The following PTPRT variants were observed in gnomAD, a reference collection of about 807,000 sequenced individuals.
PTPRT encodes the protein receptor-type tyrosine-protein phosphatase T.
Under a neutral mutation model 176.8 loss-of-function variants are expected in PTPRT, and 56 were observed. The observed-to-expected ratio is 0.32, with a 90% CI of 0.26 to 0.40. The LOEUF is 0.40. Ranked by LOEUF, PTPRT falls within the 10% of genes least tolerant of loss-of-function variation. The probability of loss-of-function intolerance (pLI) is 1.00; values close to 1 mark genes in which losing one functional copy is unlikely to be tolerated. For synonymous variants in PTPRT, 783 were observed against 739.0 expected (o/e 1.06, Z -0.96); for missense variants, 1,540 against 1,908.2 (o/e 0.81, Z 3.60).
chr20:42,074,640 G>A lies in PTPRT; in HGVS notation c.*6239C>T. The A allele has an allele frequency of 2.5e-6, 1 of 396,800 alleles. No homozygotes were observed. Among genetic ancestry groups the A allele is most frequent in the Middle Eastern group, 6.3e-4 (1 of 1,580 alleles). 24.6% of individuals were successfully genotyped at this position (396,800 alleles called of 1,614,324 possible). On this transcript the variant is annotated 3_prime_UTR_variant, in exon 31 of 31. Transcript: ENST00000373187. ...TTGCACTTCCCTTGTATCTGCCCCA[G>A]TGGACCACCCCTGAGCTCTTAGATA...
chr20:42,459,310 G>A (rs2070977454), intron 8 of PTPRT, among the ~76,000 whole-genome samples: 1 of 152,222 alleles, frequency 6.6e-6, no homozygotes, highest in Non-Finnish European at 1.5e-5. Context: ...GTCACCTGGA[G>A]CATGTGAGCT....
Position 42,625,047 on chromosome 20 carries a change from G to A in PTPRT, c.1153+52819C>T, listed in dbSNP as rs144943536. ...TCTCTTTAACAAGACACTGTTAAATGTCTTTCTTTCAAAGCAGGTAAAAAG... is the reference window on the plus strand; with the variant it reads ...TCTCTTTAACAAGACACTGTTAAATATCTTTCTTTCAAAGCAGGTAAAAAG... On this transcript the variant is annotated intron_variant, in intron 7 of 30. Transcript: ENST00000373187. Among the ~76,000 whole-genome samples the A allele has an allele frequency of 2.2e-3, 330 of 152,306 alleles. 2 individuals carry two copies. Among genetic ancestry groups the A allele is most frequent in the African/African-American group, 7.8e-3 (325 of 41,556 alleles).
intron 2 of PTPRT, among the ~76,000 whole-genome samples, chr20:42,815,283 C>T (rs2077763835): frequency 6.6e-6 from 1 of 152,074 alleles, no homozygotes; most frequent in Admixed American, 6.6e-5. Context: ...TATGTTCAAA[C>T]ACAGCACTGG....
chr20:42,062,026 G>A, the PTPRT span, among the ~76,000 whole-genome samples: 1 of 152,190 alleles, frequency 6.6e-6, no homozygotes, highest in Non-Finnish European at 1.5e-5. Flanking sequence ...TCAGGGAGGT[G>A]CCCTGGCCCA....
chr20:42,844,669 C>T (rs575898014), intron 2 of PTPRT, among the ~76,000 whole-genome samples: 1 of 152,316 alleles, frequency 6.6e-6, no homozygotes, highest in Non-Finnish European at 1.5e-5. Context: ...TCTCATGCTT[C>T]CCTTCTGACC....
rs754591592 is a variant in PTPRT at position 42,122,085 on chromosome 20, G to T, written c.2848-2114C>A. On this transcript the variant is annotated intron_variant, in intron 19 of 30. Transcript: ENST00000373187. ...AATAGGTGCAATGTATACTATTCAG[G>T]TGATGGTTACACTAAAAGCCTATAC... 5.3e-5 allele frequency among the ~76,000 whole-genome samples: 8 copies of T among 152,260 alleles called. No homozygotes were observed. The South Asian group carries it at 1.2e-3, about 24-fold the overall frequency.
At chr20:42,865,022 C>A (rs557423485) in intron 2 of PTPRT, among the ~76,000 whole-genome samples, 1 of 152,334 alleles carries the variant, frequency 6.6e-6, no homozygotes, top group South Asian at 2.1e-4. Context: ...CCAGGTGGCT[C>A]TCTGGCCTGC....
chr20:42,430,824 G>A (rs1024639776), intron 9 of PTPRT, among the ~76,000 whole-genome samples: 2 of 152,230 alleles, frequency 1.3e-5, no homozygotes, highest in African/African-American at 4.8e-5. Context: ...TGCTCTGAGA[G>A]TATCATGAAA....
intron 9 of PTPRT, among the ~76,000 whole-genome samples, chr20:42,421,800 C>CTA (rs2059121226): frequency 6.6e-6 from 1 of 152,156 alleles, no homozygotes; most frequent in African/African-American, 2.4e-5. Flanking sequence ...CAACTTCAAA[C>CTA]TATACCACAG....
intron 1 of PTPRT, among the ~76,000 whole-genome samples, chr20:42,987,072 T>C (rs997840535): frequency 2.0e-5 from 3 of 152,138 alleles, no homozygotes; most frequent in Non-Finnish European, 4.4e-5. Context: ...CTCAGGACAG[T>C]TGGTGGGCAG....
intron 8 of PTPRT, among the ~76,000 whole-genome samples, chr20:42,467,944 A>C (rs554783023): frequency 6.6e-6 from 1 of 152,332 alleles, no homozygotes; most frequent in East Asian, 1.9e-4. Flanking sequence ...TAGCAGTCAA[A>C]GTGAGCTGCC....
intron 2 of PTPRT, among the ~76,000 whole-genome samples, chr20:42,802,834 T>C (rs1260501567): frequency 1.3e-5 from 2 of 152,218 alleles, no homozygotes; most frequent in South Asian, 2.1e-4. Flanking sequence ...CTCTCAGCTG[T>C]GTGGCCTTGG....
At chr20:42,896,261 C>T (rs1177358896) in intron 1 of PTPRT, among the ~76,000 whole-genome samples, 1 of 152,026 alleles carries the variant, frequency 6.6e-6, no homozygotes, top group Non-Finnish European at 1.5e-5. Context: ...ACAACCAAGG[C>T]GACCTCCAAG....
At chr20:43,072,439 C>G (rs2011193727) in intron 1 of PTPRT, among the ~76,000 whole-genome samples, 1 of 152,194 alleles carries the variant, frequency 6.6e-6, no homozygotes, top group Non-Finnish European at 1.5e-5. Flanking sequence ...GCCTCTAACA[C>G]TTGGTTCAAA....
chr20:42,750,946 T>TA (rs2076761593), intron 6 of PTPRT, among the ~76,000 whole-genome samples: 1 of 152,302 alleles, frequency 6.6e-6, no homozygotes, highest in Non-Finnish European at 1.5e-5. Flanking sequence ...CCAGGTACAT[T>TA]ATCACAACTC....
rs2146051044 is a variant in PTPRT at position 42,074,581 on chromosome 20, C to T, written c.*6298G>A. On this transcript the variant is annotated 3_prime_UTR_variant, in exon 31 of 31. Transcript: ENST00000373187. Reference sequence around the variant, plus strand: ...CCCCATAATGATCAAGCCCCTAAAACTCTTCCCAATAGATTTTCTTTCATC... The same window carrying T: ...CCCCATAATGATCAAGCCCCTAAAATTCTTCCCAATAGATTTTCTTTCATC... The T allele has an allele frequency of 5.1e-6, 2 of 392,108 alleles. No individual in the cohort carries two copies. Among genetic ancestry groups the T allele is most frequent in the African/African-American group, 4.1e-5 (2 of 48,630 alleles). 24.3% of individuals were successfully genotyped at this position (392,108 alleles called of 1,614,324 possible).
At chr20:42,793,229 C>T (rs1258784806) in intron 2 of PTPRT, among the ~76,000 whole-genome samples, 4 of 152,198 alleles carry the variant, frequency 2.6e-5, no homozygotes, top group Non-Finnish European at 5.9e-5. Flanking sequence ...AGCTGTGTTT[C>T]ATGGATATGT....
At chr20:42,844,326 C>T (rs1477059760) in intron 2 of PTPRT, among the ~76,000 whole-genome samples, 1 of 152,142 alleles carries the variant, frequency 6.6e-6, no homozygotes, top group Non-Finnish European at 1.5e-5. Context: ...ATTCAAAAGG[C>T]ATGAAGAGAA....
intron 6 of PTPRT, among the ~76,000 whole-genome samples, chr20:42,752,728 A>C (rs2076784200): frequency 6.6e-6 from 1 of 152,186 alleles, no homozygotes; most frequent in African/African-American, 2.4e-5. Context: ...AAACAAGTAC[A>C]AATACTTCAG....
Sources: allele counts gnomAD v4.1 joint callset (sites outside exome capture counted in the v4.1 genomes callset), GRCh38; gene constraint gnomAD v4.1.1; transcripts MANE v1.5; gene names NCBI Gene and HGNC (gene_info 2026-07-23, HGNC 2026-07-21).